TNFSF4: variants seen among roughly 807,000 people sequenced by gnomAD.
TNFSF4 encodes the protein tumor necrosis factor ligand superfamily member 4.
Under a neutral mutation model 7.3 loss-of-function variants are expected in TNFSF4, and 4 were observed. The ratio of observed to expected loss-of-function variants is 0.55; its 90% confidence interval spans 0.27 to 1.25. The LOEUF (loss-of-function observed/expected upper bound fraction) is 1.25, where lower values mean the gene tolerates loss of function less well. TNFSF4 is among the 50% of genes most tolerant of loss of function. The probability of loss-of-function intolerance (pLI) is 0.12; values close to 1 mark genes in which losing one functional copy is unlikely to be tolerated. For missense variants in TNFSF4, 181 were observed against 208.8 expected (o/e 0.87, Z 0.82); for synonymous variants, 76 against 83.7 (o/e 0.91, Z 0.50).
chr1:173,382,303 C>T, the TNFSF4 span, among the ~76,000 whole-genome samples: 1 of 152,124 alleles, frequency 6.6e-6, no homozygotes, highest in Admixed American at 6.5e-5. Flanking sequence ...ACGAACCCAC[C>T]AGAATGAAGA....
At chr1:173,400,640 G>GTGAT in the TNFSF4 span, among the ~76,000 whole-genome samples, 1 of 152,204 alleles carries the variant, frequency 6.6e-6, no homozygotes, top group Non-Finnish European at 1.5e-5. Context: ...GCTGACTGGG[G>GTGAT]TGATTGATCT....
chr1:173,209,742 A>G (rs1200472888), upstream of TNFSF4, among the ~76,000 whole-genome samples: 7 of 152,162 alleles, frequency 4.6e-5, no homozygotes, highest in African/African-American at 1.7e-4. Flanking sequence ...GCCTCAAGCA[A>G]TCCTCCTGCC....
the TNFSF4 span, among the ~76,000 whole-genome samples, chr1:173,322,089 A>G: frequency 5.3e-5 from 8 of 152,246 alleles, no homozygotes; most frequent in Admixed American, 2.0e-4. Flanking sequence ...AATAGACTGG[A>G]TAAAGAAAAT....
At chr1:173,215,893 C>T in the TNFSF4 span, among the ~76,000 whole-genome samples, 16 of 152,184 alleles carry the variant, frequency 1.1e-4, no homozygotes, top group Admixed American at 8.5e-4. Flanking sequence ...ACAATAATTG[C>T]GATAAGTGTG....
the TNFSF4 span, among the ~76,000 whole-genome samples, chr1:173,244,843 TTG>T: frequency 6.6e-6 from 1 of 152,104 alleles, no homozygotes; most frequent in African/African-American, 2.4e-5. Flanking sequence ...TTGTGCATGT[TTG>T]TGTGTGTGTC....
At chr1:173,319,629 G>A in the TNFSF4 span, among the ~76,000 whole-genome samples, 7 of 152,180 alleles carry the variant, frequency 4.6e-5, no homozygotes, top group Middle Eastern at 3.2e-3. Context: ...TCAAGCTGGC[G>A]CCCTTCTGGG....
At chr1:173,212,427 T>C in the TNFSF4 span, among the ~76,000 whole-genome samples, 1 of 152,190 alleles carries the variant, frequency 6.6e-6, no homozygotes, top group Admixed American at 6.5e-5. Context: ...ACCATTACTT[T>C]CTATGATAGG....
At chr1:173,179,362 C>A (rs901277528), downstream of TNFSF4, among the ~76,000 whole-genome samples, 1 of 152,098 alleles carries the variant, frequency 6.6e-6, no homozygotes, top group Non-Finnish European at 1.5e-5. Context: ...AATGGCTGTC[C>A]CTTCACTTTC....
the TNFSF4 span, among the ~76,000 whole-genome samples, chr1:173,357,779 C>T: frequency 1.3e-5 from 2 of 152,198 alleles, no homozygotes; most frequent in Non-Finnish European, 2.9e-5. Context: ...AGGTGATCTG[C>T]CCGCCTCAGC....
chr1:173,257,349 G>A, the TNFSF4 span, among the ~76,000 whole-genome samples: 1 of 152,208 alleles, frequency 6.6e-6, no homozygotes, highest in Non-Finnish European at 1.5e-5. Context: ...GGCTTAGGCA[G>A]AAATAGGAAT....
At chr1:173,338,111 C>G in the TNFSF4 span, among the ~76,000 whole-genome samples, 1 of 152,276 alleles carries the variant, frequency 6.6e-6, no homozygotes, top group East Asian at 1.9e-4. Flanking sequence ...CTGCCGACTT[C>G]ACAATCTGCC....
At chr1:173,410,048 T>G in the TNFSF4 span, among the ~76,000 whole-genome samples, 2 of 152,156 alleles carry the variant, frequency 1.3e-5, no homozygotes, top group Non-Finnish European at 2.9e-5. Context: ...ATGGATCACT[T>G]GAGCCCAGGA....
At chr1:173,287,889 T>G in the TNFSF4 span, among the ~76,000 whole-genome samples, 1 of 152,238 alleles carries the variant, frequency 6.6e-6, no homozygotes, top group Non-Finnish European at 1.5e-5. Flanking sequence ...CTTTGGATAT[T>G]TACAGAATGT....
intron 1 of TNFSF4, among the ~76,000 whole-genome samples, chr1:173,202,156 C>G (rs547001115): frequency 1.3e-5 from 2 of 152,032 alleles, no homozygotes; most frequent in Admixed American, 6.6e-5. Context: ...TGGGTCTACT[C>G]AGTACTAGTA....
chr1:173,407,779 TG>T, the TNFSF4 span, among the ~76,000 whole-genome samples: 6 of 151,706 alleles, frequency 4.0e-5, no homozygotes, highest in African/African-American at 1.5e-4. Context: ...CCAATAGCAA[TG>T]AACACAGCTA....
At chr1:173,233,133 A>C in the TNFSF4 span, among the ~76,000 whole-genome samples, 48 of 152,162 alleles carry the variant, frequency 3.2e-4, 1 homozygote, top group Admixed American at 1.3e-3. Context: ...GAAGACCTTA[A>C]ATGACCTGAT....
the TNFSF4 span, among the ~76,000 whole-genome samples, chr1:173,314,789 A>G: frequency 6.6e-6 from 1 of 152,140 alleles, no homozygotes; most frequent in South Asian, 2.1e-4. Context: ...GACACAGAGG[A>G]AAGAGTGCTG....
chr1:173,300,397 TG>T, the TNFSF4 span, among the ~76,000 whole-genome samples: 4 of 151,816 alleles, frequency 2.6e-5, no homozygotes, highest in African/African-American at 7.2e-5. Flanking sequence ...ATCTGCCACT[TG>T]GATTGACATT....
the TNFSF4 span, among the ~76,000 whole-genome samples, chr1:173,271,732 GCTCTTACA>G: frequency 6.6e-6 from 1 of 152,096 alleles, no homozygotes; most frequent in Non-Finnish European, 1.5e-5. Context: ...AATTAGGAAT[GCTCTTACA>G]CTGTTGGTGG....
Sources: allele counts gnomAD v4.1 joint callset (sites outside exome capture counted in the v4.1 genomes callset), GRCh38; gene constraint gnomAD v4.1.1; transcripts MANE v1.5; gene names NCBI Gene and HGNC (gene_info 2026-07-23, HGNC 2026-07-21).